LRRC27: variants seen among roughly 807,000 people sequenced by gnomAD.
LRRC27 encodes leucine-rich repeat-containing protein 27.
LRRC27 carries 57 observed loss-of-function variants against 55.0 expected under a neutral mutation model. That is an observed-to-expected ratio of 1.04 (90% CI 0.84 to 1.29). The LOEUF is 1.29. LRRC27 is among the 50% of genes most tolerant of loss of function. LRRC27 has a pLI of 0.00. For synonymous variants in LRRC27, 278 were observed against 251.9 expected (o/e 1.10, Z -0.98); for missense variants, 721 against 651.5 (o/e 1.11, Z -1.16).
intron 10 of LRRC27, chr10:132,366,873 A>G: frequency 7.8e-7 from 1 of 1,285,142 alleles, no homozygotes; most frequent in Non-Finnish European, 1.0e-6. Flanking sequence ...AGGAGGCATG[A>G]GGGCAGGATG....
At position 132,348,691 on chromosome 10, in the gene LRRC27, C is replaced by A. The variant is rs1278059918; in HGVS notation, c.926+335C>A. On this transcript the variant is annotated intron_variant, in intron 6 of 10. Coordinates refer to ENST00000368614, the MANE Select transcript of LRRC27 (RefSeq NM_030626.3). This position sits in a 1 kb window ranked among gnomAD's most constrained non-coding sequence, Gnocchi z 4.2. ...CAGCATTTAAAGGAGAAAGAATGGG[C>A]AGCAGGGAAAGGAGGAAAGAACAGT... 6.6e-6 allele frequency among the ~76,000 whole-genome samples: 1 copy of A among 152,126 alleles called. No individual in the cohort carries two copies. The highest frequency in any genetic ancestry group is 2.4e-5 in the African/African-American group (1 of 41,418).
intron 8 of LRRC27, among the ~76,000 whole-genome samples, chr10:132,356,265 G>C (rs543020081): frequency 7.0e-4 from 106 of 152,360 alleles, no homozygotes; most frequent in African/African-American, 2.5e-3. Flanking sequence ...ATAAAAAGCA[G>C]CTGAGGTCGA....
At chr10:132,342,718 T>C (rs1252379540) in intron 4 of LRRC27, among the ~76,000 whole-genome samples, 1 of 152,208 alleles carries the variant, frequency 6.6e-6, no homozygotes, top group East Asian at 1.9e-4. Flanking sequence ...AAGCGTAAAC[T>C]ATCACAGAAG....
chr10:132,331,655 G>T, upstream of LRRC27: 1 of 1,612,876 alleles, frequency 6.2e-7, no homozygotes, highest in Non-Finnish European at 8.5e-7. Flanking sequence ...TGGTGCCTCA[G>T]CAGCAATTCT....
At chr10:132,343,136 C>T (rs935861713) in intron 4 of LRRC27, among the ~76,000 whole-genome samples, 4 of 151,950 alleles carry the variant, frequency 2.6e-5, no homozygotes, top group Non-Finnish European at 4.4e-5. Context: ...AGTGAGACCC[C>T]ATCTCTACAA....
chr10:132,364,475 ACC>A (rs2068870303), intron 9 of LRRC27, among the ~76,000 whole-genome samples: 2 of 119,476 alleles, frequency 1.7e-5, no homozygotes, highest in Admixed American at 9.6e-5. Flanking sequence ...CCACACTTAC[ACC>A]CACCCACACT....
chr10:132,347,573 T>C (rs2067773213), intron 5 of LRRC27, among the ~76,000 whole-genome samples: 2 of 144,970 alleles, frequency 1.4e-5, no homozygotes, highest in Non-Finnish European at 3.0e-5. Context: ...TCAGGTGTGC[T>C]CGGTGGGGCC....
intron 3 of LRRC27, among the ~76,000 whole-genome samples, chr10:132,338,592 A>T (rs1158146303): frequency 6.6e-6 from 1 of 151,230 alleles, no homozygotes. Context: ...CTCTACTCTC[A>T]CTATGGAGAC....
At chr10:132,364,473 A>AAAT (rs2068868553) in intron 9 of LRRC27, among the ~76,000 whole-genome samples, 1 of 63,806 alleles carries the variant, frequency 1.6e-5, no homozygotes, top group African/African-American at 8.2e-5. Context: ...ACCCACACTT[A>AAAT]CACCCACCCA....
chr10:132,371,430 C>T (rs1207360413), intron 10 of LRRC27, among the ~76,000 whole-genome samples: 1 of 152,178 alleles, frequency 6.6e-6, no homozygotes, highest in African/African-American at 2.4e-5. Context: ...CAGACGTGGC[C>T]CTTCCAGGTC....
In LRRC27 at chr10:132,343,833, C is replaced by T. The variant is rs115338114; in HGVS notation, c.401-665C>T. Among the ~76,000 whole-genome samples the T allele has an allele frequency of 4.7e-3, 712 of 152,346 alleles. 4 individuals carry two copies. The highest frequency in any genetic ancestry group is 0.016 in the African/African-American group (665 of 41,570). On this transcript the variant is annotated intron_variant, in intron 4 of 10. Transcript: ENST00000368614. ...GACTAGGGCCCCTGCAGTGCTTCCC[C>T]GTGCTCCTCATTCCGGGGACTTCGC...
chr10:132,359,657 A>G lies in LRRC27; in HGVS notation c.1171-1800A>G, dbSNP rs1026110792. Among the ~76,000 whole-genome samples the G allele has an allele frequency of 6.6e-5, 10 of 152,366 alleles. 1 individual carries two copies. The East Asian group carries it at 1.9e-3, about 29-fold the overall frequency. Reference sequence around the variant, plus strand: ...CACTGTGTGGTCACACCCCAAGTACATTCGATGGGGTGGGAGCCTTGAGGC... The same window carrying G: ...CACTGTGTGGTCACACCCCAAGTACGTTCGATGGGGTGGGAGCCTTGAGGC... On this transcript the variant is annotated intron_variant, in intron 8 of 10. Coordinates refer to ENST00000368614, the MANE Select transcript of LRRC27 (RefSeq NM_030626.3).
chr10:132,341,561 A>G (rs1272974069), intron 3 of LRRC27, among the ~76,000 whole-genome samples: 1 of 152,116 alleles, frequency 6.6e-6, no homozygotes, highest in Non-Finnish European at 1.5e-5. Context: ...TGCATTTTAT[A>G]AGGATGTTAC....
intron 10 of LRRC27, among the ~76,000 whole-genome samples, chr10:132,370,713 CT>C (rs980064997): frequency 6.6e-6 from 1 of 152,202 alleles, no homozygotes; most frequent in Admixed American, 6.5e-5. Flanking sequence ...CTTAATTATG[CT>C]TTTTTCTGAA....
intron 8 of LRRC27, among the ~76,000 whole-genome samples, chr10:132,358,288 G>C (rs1403202576): frequency 6.6e-6 from 1 of 152,164 alleles, no homozygotes; most frequent in African/African-American, 2.4e-5. Context: ...CGGCAGGAAG[G>C]AGCCGAGGTG....
chr10:132,349,659 C>T (rs938276576), intron 6 of LRRC27, among the ~76,000 whole-genome samples: 2 of 152,162 alleles, frequency 1.3e-5, no homozygotes, highest in African/African-American at 2.4e-5. Flanking sequence ...GCTTATTAAT[C>T]GTACTTATAA....
chr10:132,342,186 AT>A, intron 3 of LRRC27, 26 bp from the exon 4 acceptor site: 15 of 1,438,850 alleles, frequency 1.0e-5, no homozygotes, highest in South Asian at 1.3e-5. Context: ...TGCTTTTTAA[AT>A]TTTTTTGTTT....
intron 10 of LRRC27, among the ~76,000 whole-genome samples, chr10:132,368,984 C>A (rs996915418): frequency 1.3e-5 from 2 of 151,968 alleles, no homozygotes; most frequent in African/African-American, 4.8e-5. Flanking sequence ...AAAAAATGGG[C>A]CAAGAATCTG....
Position 132,374,671 on chromosome 10 carries a change from G to C in LRRC27, c.1417-395G>C, listed in dbSNP as rs777406195. ...TCTAAGGTGTGGTCTTGGCTGTGGT[G>C]ATGCTTGCCAAGACACTGCCCGGGG... is the stretch of plus-strand genomic sequence containing the variant. On this transcript the variant is annotated intron_variant, in intron 10 of 10. Coordinates refer to ENST00000368614, the MANE Select transcript of LRRC27 (RefSeq NM_030626.3). This position sits in a 1 kb window ranked among gnomAD's most constrained non-coding sequence, Gnocchi z 4.4. 7.9e-5 allele frequency among the ~76,000 whole-genome samples: 12 copies of C among 152,188 alleles called. No homozygotes were observed. The highest frequency in any genetic ancestry group is 2.0e-4 in the Admixed American group (3 of 15,288).
Sources: allele counts gnomAD v4.1 joint callset (sites outside exome capture counted in the v4.1 genomes callset), GRCh38; gene constraint gnomAD v4.1.1; non-coding constraint Gnocchi (gnomAD v3.1); transcripts MANE v1.5; gene names NCBI Gene and HGNC (gene_info 2026-07-23, HGNC 2026-07-21).